TOMM70: variants seen among roughly 807,000 people sequenced by gnomAD.
The protein encoded by TOMM70 is translocase of outer mitochondrial membrane 70, also known as mitochondrial import receptor subunit TOM70.
TOMM70 carries 13 observed loss-of-function variants against 73.6 expected under a neutral mutation model. The ratio of observed to expected loss-of-function variants is 0.18; its 90% CI spans 0.11 to 0.28. The LOEUF is 0.28. TOMM70 is among the 10% of genes least tolerant of loss of function. TOMM70 has a pLI of 1.00. For missense variants in TOMM70, 609 were observed against 747.5 expected (o/e 0.81, Z 2.16); for synonymous variants, 257 against 271.2 (o/e 0.95, Z 0.51).
chr3:100,400,702 C>G lies in TOMM70; in HGVS notation c.248G>C (p.Arg83Pro). The stretch of plus-strand genomic sequence containing the variant: ...ACTGGCCCTGCCCTCCGGGGTCTTC[C>G]GTTCGCTGTTGCGCTTCAGGCCGCT... ...DASGLKRNSE[R>P]KTPEGRASPA... Residue 83 changes from arginine to proline, a missense_variant, in exon 1 of 12, where the codon CGG (arginine) becomes CCG (proline). Physicochemically the swap from Arg to Pro is moderately radical, Grantham distance 103. Around this residue, in one of 2 missense-constraint regions of TOMM70, gnomAD observed 177 missense variants for 163.5 expected, o/e 1.08. Coordinates refer to ENST00000284320, the MANE Select transcript of TOMM70 (RefSeq NM_014820.5). The G allele has an allele frequency of 6.2e-7, 1 of 1,611,394 alleles. No homozygotes were observed.
At chr3:100,376,368 A>ATTTTTTTT (rs1559831461) in intron 6 of TOMM70, among the ~76,000 whole-genome samples, 1 of 107,902 alleles carries the variant, frequency 9.3e-6, no homozygotes, top group Admixed American at 9.0e-5. Context: ...TTCACACAGA[A>ATTTTTTTT]GTTTTTTTTT....
Position 100,377,740 on chromosome 3 carries a change from C to G in TOMM70, c.1057G>C (p.Asp353His). Residue 353 changes from aspartate (D) to histidine (H), a missense_variant, in exon 6 of 12, where the codon GAT (aspartate) becomes CAT (histidine). Coordinates refer to ENST00000284320, the MANE Select transcript of TOMM70 (RefSeq NM_014820.5). ...GCTTCTTTCAAACTGATGACTTTAT[C>G]TAAATCTGGTTTGGCTGCATTGGCA... ...GNANAAKPDL[D>H]KVISLKEANV... 6.2e-7 allele frequency: 1 copy of G among 1,614,026 alleles called. No individual in the cohort carries two copies. Among genetic ancestry groups the G allele is most frequent in the Non-Finnish European group, 8.5e-7 (1 of 1,179,936 alleles).
Position 100,381,613 on chromosome 3 carries a change from AC to A in TOMM70, c.884+1del, listed in dbSNP as rs1442010973. 1 of 1,612,532 alleles carries A rather than the reference AC, an allele frequency of 6.2e-7. No individual in the cohort carries two copies. The highest frequency in any genetic ancestry group is 8.5e-7 in the Non-Finnish European group (1 of 1,179,160). ...AGTAGACACTATGCTTGACATACTT[AC>A]TTTTCTTTCACTTCTAAAGCCTCCC... On this transcript the variant is annotated splice_donor_variant, in intron 5 of 11. Transcript: ENST00000284320. LOFTEE classifies it high-confidence loss of function.
intron 4 of TOMM70, among the ~76,000 whole-genome samples, chr3:100,382,499 A>G (rs1706644252): frequency 6.6e-6 from 1 of 152,216 alleles, no homozygotes; most frequent in Admixed American, 6.5e-5. Flanking sequence ...CTGGGGAGAG[A>G]TTCAATTCGT....
At chr3:100,373,454 T>A in intron 8 of TOMM70, 84 bp downstream of exon 8, 1 of 1,126,256 alleles carries the variant, frequency 8.9e-7, no homozygotes, top group Non-Finnish European at 1.3e-6. Context: ...AAAGACGACT[T>A]TGTAGACAAT....
At chr3:100,392,666 C>T (rs750670585) in intron 1 of TOMM70, among the ~76,000 whole-genome samples, 38 of 151,970 alleles carry the variant, frequency 2.5e-4, no homozygotes, top group Admixed American at 1.3e-4. Context: ...GATCCACACA[C>T]CTCAGCCTCC....
chr3:100,371,379 C>T (rs1706508394), intron 9 of TOMM70, among the ~76,000 whole-genome samples: 1 of 151,206 alleles, frequency 6.6e-6, no homozygotes, highest in Non-Finnish European at 1.5e-5. Flanking sequence ...ATTCTCCTAC[C>T]TCAGCCTCCC....
intron 8 of TOMM70, 32 bp downstream of exon 8, chr3:100,373,506 T>C (rs764306399): frequency 2.6e-6 from 4 of 1,525,388 alleles, no homozygotes; most frequent in East Asian, 2.4e-5. Context: ...AAAAGTGATG[T>C]TTAGGAAAAT....
At chr3:100,377,091 A>C (rs928589265) in intron 6 of TOMM70, among the ~76,000 whole-genome samples, 24 of 152,238 alleles carry the variant, frequency 1.6e-4, no homozygotes, top group Non-Finnish European at 2.9e-4. Context: ...ATGAGGAAAC[A>C]GGTCACAGAG....
chr3:100,385,207 T>C (rs1184162474), intron 3 of TOMM70, among the ~76,000 whole-genome samples: 1 of 152,274 alleles, frequency 6.6e-6, no homozygotes, highest in Non-Finnish European at 1.5e-5. Flanking sequence ...ATTCCCCTGA[T>C]AACCACGGCT....
chr3:100,390,234 T>G (rs1706742893), intron 1 of TOMM70, among the ~76,000 whole-genome samples: 1 of 152,212 alleles, frequency 6.6e-6, no homozygotes, highest in South Asian at 2.1e-4. Flanking sequence ...CAGTGTAGTC[T>G]TTATCCTGAA....
rs1382746164 is a variant in TOMM70, at chr3:100,363,649, G to A, written c.*1915C>T. On this transcript the variant is annotated 3_prime_UTR_variant, in exon 12 of 12. Transcript: ENST00000284320. Reference sequence around the variant, plus strand: ...TTTGTGTTTCTCTACCCAACCCCAAGATGAAAGAAGGGAGAAGAGTAGAAG... The same window carrying A: ...TTTGTGTTTCTCTACCCAACCCCAAAATGAAAGAAGGGAGAAGAGTAGAAG... 6.6e-6 allele frequency: 1 copy of A among 152,552 alleles called. No individual in the cohort carries two copies. The highest frequency in any genetic ancestry group is 1.5e-5 in the Non-Finnish European group (1 of 68,018). The allele number at this position is 152,552 out of a possible 1,614,324, so 9.4% of individuals were successfully genotyped here. A position where few individuals can be genotyped will look rare whatever the true frequency, so the allele number is the denominator to read the frequency against.
chr3:100,373,471 C>T (rs1051905397), intron 8 of TOMM70, 67 bp downstream of exon 8: 1 of 1,287,508 alleles, frequency 7.8e-7, no homozygotes, highest in Non-Finnish European at 1.1e-6. Context: ...CAATGAGATA[C>T]TCATTTTTGT....
intron 6 of TOMM70, 90 bp from the exon 7 acceptor site, chr3:100,375,242 C>T: frequency 7.0e-7 from 1 of 1,429,450 alleles, no homozygotes; most frequent in Non-Finnish European, 9.2e-7. Flanking sequence ...CTATAATCCA[C>T]ATATCACAAA....
At chr3:100,369,227 T>C (rs1706482243) in intron 9 of TOMM70, 92 bp from the exon 10 acceptor site, 1 of 858,876 alleles carries the variant, frequency 1.2e-6, no homozygotes. Flanking sequence ...ATTTACTTCA[T>C]TCATTATTAC....
At chr3:100,372,031 G>A (rs1365293377) in intron 9 of TOMM70, 1 of 151,988 alleles carries the variant, frequency 6.6e-6, no homozygotes, top group African/African-American at 2.4e-5. Context: ...TTTATTTGAG[G>A]GGAAAATGTA....
chr3:100,399,987 G>C lies in TOMM70; in HGVS notation c.324+639C>G, dbSNP rs1706873041. Reference sequence around the variant, plus strand: ...CAAGGGGGCTTCGGGGTTGCTGAGAGAGGACGAGCCTTGGGAGCTTGACAG... The same window carrying C: ...CAAGGGGGCTTCGGGGTTGCTGAGACAGGACGAGCCTTGGGAGCTTGACAG... On this transcript the variant is annotated intron_variant, in intron 1 of 11. Coordinates refer to ENST00000284320, the MANE Select transcript of TOMM70 (RefSeq NM_014820.5). Among the ~76,000 whole-genome samples, 3 of 152,156 alleles carry C rather than the reference G, an allele frequency of 2.0e-5. No homozygotes were observed. The South Asian group carries it at 6.2e-4, about 32-fold the overall frequency.
intron 1 of TOMM70, among the ~76,000 whole-genome samples, chr3:100,399,146 G>T (rs922584975): frequency 2.0e-5 from 3 of 152,056 alleles, no homozygotes; most frequent in African/African-American, 7.2e-5. Flanking sequence ...GCGGGGCATG[G>T]TGGCGCGCGC....
chr3:100,381,553 C>T (rs1290336952), intron 5 of TOMM70, 62 bp downstream of exon 5: 19 of 1,531,296 alleles, frequency 1.2e-5, no homozygotes, highest in Non-Finnish European at 1.4e-5. Context: ...CCATATGGGC[C>T]CTAAGGAAAG....
Sources: allele counts gnomAD v4.1 joint callset (sites outside exome capture counted in the v4.1 genomes callset), GRCh38; gene constraint gnomAD v4.1.1; regional missense constraint gnomAD v4.1.1; transcripts MANE v1.5; gene names NCBI Gene and HGNC (gene_info 2026-07-23, HGNC 2026-07-21).